Variants in ROBO2 observed in about 807,000 individuals in gnomAD.
The protein encoded by ROBO2 is roundabout guidance receptor 2.
ROBO2 carries 53 observed loss-of-function variants against 160.8 expected under a neutral mutation model. The ratio of observed to expected loss-of-function variants is 0.33; its 90% CI spans 0.26 to 0.41. ROBO2 has a LOEUF of 0.41. Ranked by LOEUF, ROBO2 falls within the 10% of genes least tolerant of loss-of-function variation. ROBO2 has a pLI of 1.00. For missense variants in ROBO2, 1,577 were observed against 1,722.4 expected (o/e 0.92, Z 1.49); for synonymous variants, 664 against 611.7 (o/e 1.09, Z -1.26).
intron 2 of ROBO2, among the ~76,000 whole-genome samples, chr3:77,466,612 C>G (rs1265091089): frequency 6.6e-6 from 1 of 152,084 alleles, no homozygotes; most frequent in Non-Finnish European, 1.5e-5. Context: ...TATATTTCTA[C>G]TCTATTCGGA....
chr3:76,053,258 C>A (rs2067715329), intron 2 of ROBO2, among the ~76,000 whole-genome samples: 1 of 151,924 alleles, frequency 6.6e-6, no homozygotes, highest in African/African-American at 2.4e-5. Context: ...TGACTTAGTT[C>A]TTTAAATTTT....
At chr3:76,534,424 A>T (rs986156385) in intron 2 of ROBO2, among the ~76,000 whole-genome samples, 6 of 152,162 alleles carry the variant, frequency 3.9e-5, no homozygotes, top group African/African-American at 1.4e-4. Context: ...CCATCATATG[A>T]ATAGGATTCC....
chr3:77,430,798 T>C (rs1010274746), intron 2 of ROBO2, among the ~76,000 whole-genome samples: 5 of 152,188 alleles, frequency 3.3e-5, no homozygotes, highest in East Asian at 1.9e-4. Context: ...ATTTTAGTTA[T>C]AGCAACCAGA....
chr3:77,407,440 C>G (rs980855833), intron 2 of ROBO2, among the ~76,000 whole-genome samples: 5 of 152,092 alleles, frequency 3.3e-5, no homozygotes, highest in African/African-American at 1.2e-4. Flanking sequence ...ATGCCAAGAA[C>G]AAATATGAAA....
chr3:76,396,262 A>G (rs1481698142), intron 2 of ROBO2, among the ~76,000 whole-genome samples: 1 of 152,156 alleles, frequency 6.6e-6, no homozygotes, highest in African/African-American at 2.4e-5. Flanking sequence ...GCCTCTCACA[A>G]AATTCAACAG....
chr3:77,054,487 G>A (rs1578564645), intron 1 of ROBO2, among the ~76,000 whole-genome samples: 1 of 152,252 alleles, frequency 6.6e-6, no homozygotes, highest in East Asian at 1.9e-4. Flanking sequence ...GAGTAGGGAA[G>A]CATAGACAAT....
At chr3:76,641,529 A>G (rs557616387) in intron 2 of ROBO2, among the ~76,000 whole-genome samples, 18 of 152,268 alleles carry the variant, frequency 1.2e-4, no homozygotes, top group Non-Finnish European at 2.1e-4. Context: ...GAATTGTGTC[A>G]AGTTGGAGGG....
At chr3:77,596,350 C>G (rs1157630536) in intron 18 of ROBO2, among the ~76,000 whole-genome samples, 1 of 152,084 alleles carries the variant, frequency 6.6e-6, no homozygotes, top group Non-Finnish European at 1.5e-5. Flanking sequence ...GTTTTGGGAT[C>G]CTAGTATGTT....
At chr3:76,674,672 G>C (rs1409953982) in intron 2 of ROBO2, among the ~76,000 whole-genome samples, 4 of 150,952 alleles carry the variant, frequency 2.6e-5, no homozygotes, top group African/African-American at 9.8e-5. Flanking sequence ...CAAACAAACA[G>C]TGCTTCTCAA....
At chr3:77,595,253 A>T (rs2094275638) in intron 18 of ROBO2, 69 bp downstream of exon 19, 1 of 1,166,398 alleles carries the variant, frequency 8.6e-7, no homozygotes, top group African/African-American at 1.5e-5. Flanking sequence ...CTATAGTAAG[A>T]GCCTATTATT....
At chr3:77,503,228 T>TA (rs887462957) in intron 5 of ROBO2, among the ~76,000 whole-genome samples, 14 of 151,288 alleles carry the variant, frequency 9.3e-5, no homozygotes, top group Non-Finnish European at 1.9e-4. Flanking sequence ...ATTAAAAAAA[T>TA]AATAATAATA....
chr3:76,369,392 A>C (rs1047154118), intron 2 of ROBO2, among the ~76,000 whole-genome samples: 1 of 151,880 alleles, frequency 6.6e-6, no homozygotes, highest in Non-Finnish European at 1.5e-5. Context: ...TTCTGCCACT[A>C]GGGTCTGCTA....
chr3:77,464,616 T>C (rs763206683), intron 2 of ROBO2, among the ~76,000 whole-genome samples: 1 of 152,178 alleles, frequency 6.6e-6, no homozygotes, highest in Non-Finnish European at 1.5e-5. Context: ...AGTACTTCCT[T>C]AGGATTTCAA....
At chr3:76,155,634 G>A (rs1160749542) in intron 2 of ROBO2, among the ~76,000 whole-genome samples, 2 of 152,146 alleles carry the variant, frequency 1.3e-5, no homozygotes, top group Non-Finnish European at 2.9e-5. Context: ...TCTAGGATGG[G>A]TAACAAAGTT....
intron 16 of ROBO2, among the ~76,000 whole-genome samples, chr3:77,586,288 T>C (rs1471350436): frequency 6.6e-6 from 1 of 152,170 alleles, no homozygotes; most frequent in Non-Finnish European, 1.5e-5. Context: ...GAGTTTTAGT[T>C]ATCTTGCTTA....
In ROBO2 at chr3:76,282,963, T is replaced by C. The variant is rs546796854; in HGVS notation, c.109+345361T>C. ...ATTGAAGGGATTACAGATTGAGATA[T>C]TTTTTCTTTATTTTATTTTATTTTT... On this transcript the variant is annotated intron_variant, in intron 2 of 26. Coordinates refer to the ROBO2 transcript ENST00000487694. 4.0e-5 allele frequency among the ~76,000 whole-genome samples: 6 copies of C among 150,582 alleles called. No individual in the cohort carries two copies. The South Asian group carries it at 1.3e-3, about 31-fold the overall frequency.
chr3:76,804,047 CTTTA>C (rs1176080317), intron 2 of ROBO2, among the ~76,000 whole-genome samples: 1 of 152,182 alleles, frequency 6.6e-6, no homozygotes, highest in Non-Finnish European at 1.5e-5. Flanking sequence ...TTCATAGTCA[CTTTA>C]TTCATTCAGC....
intron 2 of ROBO2, among the ~76,000 whole-genome samples, chr3:77,398,621 G>A (rs946062006): frequency 4.0e-5 from 6 of 151,690 alleles, no homozygotes; most frequent in Admixed American, 2.0e-4. Flanking sequence ...TCACTCTCCC[G>A]CCCTGGCTGG....
chr3:75,999,530 T>C (rs532382365), intron 2 of ROBO2, among the ~76,000 whole-genome samples: 2 of 152,318 alleles, frequency 1.3e-5, no homozygotes, highest in Non-Finnish European at 2.9e-5. Context: ...AGGAGTTTAA[T>C]ATTACGTTAT....
Sources: allele counts gnomAD v4.1 joint callset (sites outside exome capture counted in the v4.1 genomes callset), GRCh38; gene constraint gnomAD v4.1.1; transcripts MANE v1.5; gene names NCBI Gene and HGNC (gene_info 2026-07-23, HGNC 2026-07-21).